NNT: variants seen among roughly 807,000 people sequenced by gnomAD.
The protein encoded by NNT is NAD(P) transhydrogenase, mitochondrial.
In NNT, 50 loss-of-function variants were observed where a neutral mutation model predicts 104.8. The observed-to-expected ratio is 0.48, with a 90% CI of 0.38 to 0.60. The LOEUF (loss-of-function observed/expected upper bound fraction) is 0.60. Among genes scored for constraint, NNT ranks in the 20% least tolerant of loss-of-function variants. NNT has a pLI of 0.00. For synonymous variants in NNT, 461 were observed against 490.4 expected (o/e 0.94, Z 0.79); for missense variants, 1,131 against 1,330.7 (o/e 0.85, Z 2.33).
intron 17 of NNT, among the ~76,000 whole-genome samples, chr5:43,670,719 G>C (rs1378664872): frequency 6.6e-6 from 1 of 152,170 alleles, no homozygotes; most frequent in Non-Finnish European, 1.5e-5. Context: ...GTCAATTTTG[G>C]AATAAGTGCA....
rs984861865 is a variant in NNT at position 43,672,898 on chromosome 5, T to C, written c.2635-2613T>C. Among the ~76,000 whole-genome samples the C allele has an allele frequency of 2.6e-5, 4 of 151,926 alleles. No individual in the cohort carries two copies. In the East Asian group the frequency reaches 7.8e-4, roughly 30 times the overall value. ...CCCCCAGAGGTGGAGTCTACAGAGG[T>C]AGGCAGGCTTCCTTGAGCTGCGGTG... On this transcript the variant is annotated intron_variant, in intron 17 of 21. Transcript: ENST00000344920.
At chr5:43,680,055 A>C (rs983228628) in intron 19 of NNT, among the ~76,000 whole-genome samples, 2 of 151,900 alleles carry the variant, frequency 1.3e-5, no homozygotes, top group Non-Finnish European at 2.9e-5. Context: ...CTTTGTAACA[A>C]ATTATGTAAA....
chr5:43,673,016 T>C (rs1741209913), intron 17 of NNT, among the ~76,000 whole-genome samples: 1 of 152,150 alleles, frequency 6.6e-6, no homozygotes, highest in Non-Finnish European at 1.5e-5. Context: ...GCTGCCACCT[T>C]GCAGTTCGAT....
chr5:43,619,487 G>A (rs967131786), intron 5 of NNT, among the ~76,000 whole-genome samples: 1 of 152,232 alleles, frequency 6.6e-6, no homozygotes, highest in South Asian at 2.1e-4. Flanking sequence ...ACATATACAA[G>A]GTATTTTTGG....
intron 17 of NNT, chr5:43,667,038 C>T: frequency 6.3e-7 from 1 of 1,596,916 alleles, no homozygotes; most frequent in Non-Finnish European, 8.5e-7. Context: ...CACGTGCACT[C>T]ATGGCCTTGG....
rs533316879 is a variant in NNT at position 43,605,872 on chromosome 5, G to T, written c.-54+2578G>T. Among the ~76,000 whole-genome samples the T allele has an allele frequency of 5.9e-5, 9 of 152,232 alleles. No homozygotes were observed. In the South Asian group the frequency reaches 1.9e-3, roughly 32 times the overall value. On this transcript the variant is annotated intron_variant, in intron 1 of 21. Coordinates refer to ENST00000344920, the MANE Select transcript of NNT (RefSeq NM_182977.3). ...TTTTCACAGAAATGGGCCTATGAAG[G>T]CTTTGGCCCTACTGATGTCTGATGC...
chr5:43,666,755 G>T (rs368804348), intron 17 of NNT: 6 of 1,260,012 alleles, frequency 4.8e-6, no homozygotes, highest in South Asian at 2.8e-5. Context: ...CCTCACGTTG[G>T]CAGAGATATC....
chr5:43,698,075 G>GATAT (rs1021338983), intron 19 of NNT, among the ~76,000 whole-genome samples: 2 of 150,426 alleles, frequency 1.3e-5, no homozygotes, highest in African/African-American at 4.9e-5. Flanking sequence ...TTTCTCTTTG[G>GATAT]ATATATACAC....
chr5:43,652,714 A>T (rs75982966), intron 13 of NNT, among the ~76,000 whole-genome samples: 10,071 of 152,168 alleles, frequency 0.066, 561 homozygotes, highest in African/African-American at 0.15. Context: ...CACTGTGACA[A>T]CACAAATAAA....
Position 43,705,059 on chromosome 5 carries a change from C to A in NNT, c.*655C>A, listed in dbSNP as rs1183001907. 1 of 152,084 alleles carries A rather than the reference C, an allele frequency of 6.6e-6. No individual in the cohort carries two copies. The highest frequency in any genetic ancestry group is 2.4e-5 in the African/African-American group (1 of 41,422). 9.4% of individuals were successfully genotyped at this position (152,084 alleles called of 1,614,324 possible). On this transcript the variant is annotated 3_prime_UTR_variant, in exon 22 of 22. Coordinates refer to ENST00000344920, the MANE Select transcript of NNT (RefSeq NM_182977.3). ...AACAAATCATTTGCTTTATATGTTT[C>A]ATTAGAATACCAATGAAACATACAA...
At chr5:43,662,854 A>C (rs1740444236) in intron 17 of NNT, among the ~76,000 whole-genome samples, 1 of 151,608 alleles carries the variant, frequency 6.6e-6, no homozygotes, top group East Asian at 1.9e-4. Flanking sequence ...TGATTGTACC[A>C]CTGGACTGCA....
chr5:43,657,088 G>A (rs1246552911), intron 16 of NNT, among the ~76,000 whole-genome samples: 2 of 152,262 alleles, frequency 1.3e-5, no homozygotes, highest in East Asian at 3.9e-4. Context: ...ATGTGTTGGT[G>A]AACAGGAGCT....
intron 5 of NNT, among the ~76,000 whole-genome samples, chr5:43,620,030 T>TG (rs1452545221): frequency 6.6e-6 from 1 of 152,060 alleles, no homozygotes; most frequent in Non-Finnish European, 1.5e-5. Flanking sequence ...AATCTGTTCA[T>TG]GGGAGATCCA....
At chr5:43,697,272 C>T (rs568500369) in intron 19 of NNT, among the ~76,000 whole-genome samples, 2 of 152,126 alleles carry the variant, frequency 1.3e-5, no homozygotes, top group Non-Finnish European at 2.9e-5. Flanking sequence ...GGTAAAATGC[C>T]GTCATTCTCT....
At chr5:43,648,301 T>C (rs1739559508) in intron 10 of NNT, 2 of 964,298 alleles carry the variant, frequency 2.1e-6, no homozygotes, top group Non-Finnish European at 2.5e-6. Flanking sequence ...AGGAAAAAGG[T>C]ACCTTATTCA....
chr5:43,693,406 G>T lies in NNT; in HGVS notation c.2877-6713G>T, dbSNP rs543473684. Reference sequence around the variant, plus strand: ...ATGAGCATGCACTTTGATTGCTGGAGAAATTTTTTTCCAAATATTTTCTTA... The same window carrying T: ...ATGAGCATGCACTTTGATTGCTGGATAAATTTTTTTCCAAATATTTTCTTA... On this transcript the variant is annotated intron_variant, in intron 19 of 21. Coordinates refer to ENST00000344920, the MANE Select transcript of NNT (RefSeq NM_182977.3). 4.6e-5 allele frequency among the ~76,000 whole-genome samples: 7 copies of T among 152,272 alleles called. 1 individual carries two copies. The South Asian group carries it at 1.2e-3, about 27-fold the overall frequency.
intron 17 of NNT, among the ~76,000 whole-genome samples, chr5:43,669,947 C>T (rs1351678014): frequency 6.6e-6 from 1 of 152,020 alleles, no homozygotes; most frequent in Non-Finnish European, 1.5e-5. Flanking sequence ...TAATTATTGC[C>T]TCAATTTCAG....
chr5:43,702,501 G>A (rs1742908055), intron 20 of NNT, 120 bp from the exon 21 acceptor site: 1 of 622,524 alleles, frequency 1.6e-6, no homozygotes, highest in Non-Finnish European at 2.6e-6. Context: ...CCTGGCACAA[G>A]TGCGAATCCT....
intron 2 of NNT, among the ~76,000 whole-genome samples, chr5:43,609,866 C>A (rs183395683): frequency 2.6e-5 from 4 of 152,264 alleles, no homozygotes; most frequent in Admixed American, 2.0e-4. Flanking sequence ...CTCTTCTTGC[C>A]ATTGCTACTT....
Sources: gnomAD v4.1 joint callset for allele counts (sites outside exome capture counted in the v4.1 genomes callset) on GRCh38, gnomAD v4.1.1 for gene constraint, MANE v1.5 for transcripts, NCBI Gene and HGNC (gene_info 2026-07-23, HGNC 2026-07-21) for gene names.